TCF4: variants seen among roughly 807,000 people sequenced by gnomAD.
TCF4 encodes transcription factor 4.
In TCF4, 3 loss-of-function variants were observed where a neutral mutation model predicts 82.1. The ratio of observed to expected loss-of-function variants is 0.04; its 90% CI spans 0.02 to 0.09. The LOEUF is 0.09. Ranked by LOEUF, TCF4 falls within the 10% of genes least tolerant of loss-of-function variation. TCF4 has a pLI of 1.00. For missense variants in TCF4, 518 were observed against 852.7 expected (o/e 0.61, Z 4.89); for synonymous variants, 276 against 309.6 (o/e 0.89, Z 1.14).
chr18:55,475,816 TCAATGGAGA>T (rs1283168954), intron 3 of TCF4, among the ~76,000 whole-genome samples: 2 of 152,192 alleles, frequency 1.3e-5, no homozygotes. Flanking sequence ...TAGTGACATT[TCAATGGAGA>T]CAATGATTAG....
At chr18:55,333,330 CCTTT>C (rs1299948399) in intron 8 of TCF4, among the ~76,000 whole-genome samples, 1 of 152,002 alleles carries the variant, frequency 6.6e-6, no homozygotes, top group Non-Finnish European at 1.5e-5. Flanking sequence ...TCCTTATATT[CCTTT>C]CTTTCTACAA....
chr18:55,237,467 CTTTT>C (rs538071929), intron 15 of TCF4, among the ~76,000 whole-genome samples: 2 of 122,668 alleles, frequency 1.6e-5, no homozygotes, highest in African/African-American at 6.2e-5. Flanking sequence ...GTTGTTCTGA[CTTTT>C]TTTTTTTTTT....
intron 6 of TCF4, among the ~76,000 whole-genome samples, chr18:55,369,521 C>T (rs2088301844): frequency 6.6e-6 from 1 of 152,134 alleles, no homozygotes; most frequent in Non-Finnish European, 1.5e-5. Context: ...GGCTGAGGTC[C>T]ATGAAAGAGG....
At chr18:55,503,000 G>A (rs1016058542) in intron 3 of TCF4, among the ~76,000 whole-genome samples, 7 of 152,164 alleles carry the variant, frequency 4.6e-5, no homozygotes, top group African/African-American at 1.4e-4. Flanking sequence ...CTTGGTATGT[G>A]CCACCTCCTT....
chr18:55,563,911 A>T (rs1222488772), intron 3 of TCF4, among the ~76,000 whole-genome samples: 8 of 152,264 alleles, frequency 5.3e-5, no homozygotes, highest in Non-Finnish European at 1.0e-4. Flanking sequence ...AGTGGTTTCC[A>T]ATGACACTAT....
intron 2 of TCF4, among the ~76,000 whole-genome samples, chr18:55,598,713 G>C (rs1296189298): frequency 6.6e-6 from 1 of 152,214 alleles, no homozygotes; most frequent in Non-Finnish European, 1.5e-5. Context: ...TAGATTAGCA[G>C]AAAAGCCATC....
intron 3 of TCF4, among the ~76,000 whole-genome samples, chr18:55,571,668 A>C (rs982784994): frequency 6.6e-6 from 1 of 152,062 alleles, no homozygotes; most frequent in Non-Finnish European, 1.5e-5. Context: ...AACACTTAAC[A>C]AAAGTCTTGC....
chr18:55,494,296 A>G (rs541706411), intron 3 of TCF4, among the ~76,000 whole-genome samples: 3 of 116,582 alleles, frequency 2.6e-5, no homozygotes, highest in Admixed American at 2.4e-4. Flanking sequence ...TCTATTTGAG[A>G]AAAAAAAAAA....
intron 3 of TCF4, among the ~76,000 whole-genome samples, chr18:55,478,696 A>C (rs956755630): frequency 2.6e-5 from 4 of 151,914 alleles, no homozygotes; most frequent in African/African-American, 9.7e-5. Flanking sequence ...GTACCAAATG[A>C]GTTGTAATTT....
chr18:55,365,249 GTATATA>G (rs375008306), intron 6 of TCF4, among the ~76,000 whole-genome samples: 3 of 127,424 alleles, frequency 2.4e-5, no homozygotes, highest in East Asian at 2.2e-4. Flanking sequence ...ATATGTGTGT[GTATATA>G]TATATATATA....
chr18:55,614,530 T>C (rs554025415), intron 2 of TCF4, among the ~76,000 whole-genome samples: 139 of 152,322 alleles, frequency 9.1e-4, no homozygotes, highest in Non-Finnish European at 1.7e-3. Context: ...TTGACTAATA[T>C]TGTTGGATCT....
At chr18:55,256,579 A>T (rs1432783608) in intron 14 of TCF4, among the ~76,000 whole-genome samples, 1 of 152,172 alleles carries the variant, frequency 6.6e-6, no homozygotes, top group African/African-American at 2.4e-5. Flanking sequence ...GCAGATAGAT[A>T]AATCTATGTC....
chr18:55,590,807 T>C (rs1351912743), upstream of TCF4, among the ~76,000 whole-genome samples: 1 of 152,250 alleles, frequency 6.6e-6, no homozygotes, highest in Non-Finnish European at 1.5e-5. Flanking sequence ...TACTGGCTAC[T>C]TTAAGCCTAA....
intron 5 of TCF4, chr18:55,452,721 C>T (rs564974184): frequency 1.3e-4 from 20 of 152,392 alleles, no homozygotes; most frequent in African/African-American, 4.3e-4. Flanking sequence ...GTAAGGAGAG[C>T]TGGCTTTGGC....
intron 2 of TCF4, among the ~76,000 whole-genome samples, chr18:55,609,982 A>T (rs1328660378): frequency 2.1e-5 from 3 of 146,082 alleles, no homozygotes; most frequent in Non-Finnish European, 4.5e-5. Flanking sequence ...TTATTTGCTT[A>T]TTTTTTTTTT....
chr18:55,586,157 AGCAGC>A lies in TCF4; in HGVS notation c.73-810_73-806del, dbSNP rs2097646416. On this transcript the variant is annotated intron_variant, in intron 2 of 19. Transcript: ENST00000354452. ...GAGAAGGAGGAGGAGGAGGAGGAGC[AGCAGC>A]AGCAGCAGCAGCAGCAGCAGCAGCA... The A allele has an allele frequency of 1.1e-3, 114 of 104,706 alleles. No individual in the cohort carries two copies. The African/African-American group carries it at 0.039, about 36-fold the overall frequency. 6.5% of individuals were successfully genotyped at this position (104,706 alleles called of 1,614,324 possible). A position where few individuals can be genotyped will look rare whatever the true frequency, so the allele number is the denominator to read the frequency against.
At chr18:55,591,086 T>A (rs2097684630), upstream of TCF4, 1 of 152,162 alleles carries the variant, frequency 6.6e-6, no homozygotes, top group Non-Finnish European at 1.5e-5. Flanking sequence ...AGTAACAGAG[T>A]TCAGATCAAT....
At chr18:55,463,374 A>T (rs2095913340) in intron 4 of TCF4, among the ~76,000 whole-genome samples, 1 of 152,180 alleles carries the variant, frequency 6.6e-6, no homozygotes, top group African/African-American at 2.4e-5. Context: ...CATACAAGAA[A>T]CACGTATTGC....
chr18:55,557,482 A>T (rs998825327), intron 3 of TCF4, among the ~76,000 whole-genome samples: 1 of 152,190 alleles, frequency 6.6e-6, no homozygotes, highest in Non-Finnish European at 1.5e-5. Flanking sequence ...GATTGCATTT[A>T]TTTATTTCAT....
Sources: gnomAD v4.1 joint callset for allele counts (sites outside exome capture counted in the v4.1 genomes callset) on GRCh38, gnomAD v4.1.1 for gene constraint, MANE v1.5 for transcripts, NCBI Gene and HGNC (gene_info 2026-07-23, HGNC 2026-07-21) for gene names.